The following SELENOW variants were observed in gnomAD, a reference collection of about 807,000 sequenced individuals.
The protein encoded by SELENOW is selenoprotein W, 1.
SELENOW carries 20 observed loss-of-function variants against 16.6 expected under a neutral mutation model. The ratio of observed to expected loss-of-function variants is 1.21; its 90% confidence interval spans 0.85 to 1.76. SELENOW has a LOEUF of 1.76. SELENOW is among the 40% of genes most tolerant of loss of function. The pLI is 0.00. For missense variants in SELENOW, 124 were observed against 111.0 expected, an observed-to-expected ratio of 1.12 and a Z score of -0.53; for synonymous variants, 44 against 46.2, an observed-to-expected ratio of 0.95 and a Z score of 0.19.
In SELENOW at chr19:47,778,806, C is replaced by G. The variant is rs1399197737; in HGVS notation, c.21C>G (p.Val7=). 1 of 1,599,822 alleles carries G rather than the reference C, an allele frequency of 6.3e-7. No homozygotes were observed. Among genetic ancestry groups the G allele is most frequent in the Non-Finnish European group, 8.5e-7 (1 of 1,174,896 alleles). Reference sequence around the variant, plus strand: ...GAGCCATGGCTCTCGCCGTCCGAGTCGTTTATTGGTAAGCCCAGCGGCCAG... The same window carrying G: ...GAGCCATGGCTCTCGCCGTCCGAGTGGTTTATTGGTAAGCCCAGCGGCCAG... MALAVR[V]VYCGAUGYKS... Residue 7 remains valine (V), a synonymous_variant, in exon 1 of 6, where the codon GTC becomes GTG. Transcript: ENST00000601048.
chr19:47,780,044 C>T (rs1019328007), intron 1 of SELENOW: 109 of 425,126 alleles, frequency 2.6e-4, no homozygotes, highest in South Asian at 5.4e-4. Context: ...ATTCCAGTCC[C>T]GAAATAGCCT....
At chr19:47,780,374 TC>T (rs2123696870) in intron 1 of SELENOW, 2 of 406,462 alleles carry the variant, frequency 4.9e-6, no homozygotes, top group Admixed American at 7.3e-5. Flanking sequence ...CTAATCCAGT[TC>T]TCCTGGTTTT....
At chr19:47,782,127 A>G (rs1967484028) in intron 5 of SELENOW, 2 of 152,690 alleles carry the variant, frequency 1.3e-5, no homozygotes, top group African/African-American at 2.4e-5. Context: ...GTCATGTGAC[A>G]GCGTCCGGCC....
At position 47,780,878 on chromosome 19, in the gene SELENOW, GA is replaced by G. The variant is rs773650283; in HGVS notation, c.71del (p.Lys24ArgfsTer?). ...GYKSKYLQLKKKLEDEFPGRL... is the reference protein window; with the variant it reads ...GYKSKYLQLKXKLEDEFPGRL... ...CGCGTTTTCAGTATCTTCAGCTCAA[GA>G]AGAAGTTAGAAGATGAGTTCCCCGG... is the stretch of plus-strand genomic sequence containing the variant. On this transcript the variant is annotated frameshift_variant, in exon 3 of 6. Coordinates refer to ENST00000601048, the MANE Select transcript of SELENOW (RefSeq NM_003009.4). LOFTEE classifies it high-confidence loss of function. 4 of 1,613,248 alleles carry G rather than the reference GA, an allele frequency of 2.5e-6. No homozygotes were observed. The highest frequency in any genetic ancestry group is 3.4e-6 in the Non-Finnish European group (4 of 1,179,664).
chr19:47,781,040 G>A, intron 3 of SELENOW, 68 bp from the exon 4 acceptor site: 2 of 1,547,984 alleles, frequency 1.3e-6, no homozygotes. Flanking sequence ...CATCCCCCTG[G>A]GAAGGGGAGG....
At position 47,781,164 on chromosome 19, in the gene SELENOW, G is replaced by A; in HGVS notation, c.165G>A (p.Lys55=). Residue 55 remains lysine (K), a synonymous_variant, in exon 4 of 6, where the codon AAG becomes AAA. Transcript: ENST00000601048. Reference sequence around the variant, plus strand: ...TCTTTGAAGTGATGGTAGCCGGGAAGTTGATTCACTCTAAGAAGGTATGTC... The same window carrying A: ...TCTTTGAAGTGATGGTAGCCGGGAAATTGATTCACTCTAAGAAGGTATGTC... The part of the protein sequence containing the change: ...TGFFEVMVAG[K]LIHSKKKGDG... 1.2e-6 allele frequency: 2 copies of A among 1,613,858 alleles called. No homozygotes were observed. The highest frequency in any genetic ancestry group is 2.2e-5 in the East Asian group (1 of 44,854).
In SELENOW at chr19:47,784,480, C is replaced by T. The variant is rs939231749; in HGVS notation, c.*209C>T. The T allele has an allele frequency of 6.6e-6, 1 of 152,518 alleles. No individual in the cohort carries two copies. The highest frequency in any genetic ancestry group is 2.4e-5 in the African/African-American group (1 of 41,432). 9.4% of individuals were successfully genotyped at this position (152,518 alleles called of 1,614,324 possible). A position where few individuals can be genotyped will look rare whatever the true frequency, so the allele number is the denominator to read the frequency against. ...GTCTTCCCCGGAATCCACACCACCC[C>T]ACCCTCCTCCTGTCCCGTGGTTTCA... On this transcript the variant is annotated 3_prime_UTR_variant, in exon 6 of 6. Coordinates refer to ENST00000601048, the MANE Select transcript of SELENOW (RefSeq NM_003009.4).
At chr19:47,780,645 C>T (rs1222306470) in intron 1 of SELENOW, 80 bp from the exon 2 acceptor site, 3 of 1,265,664 alleles carry the variant, frequency 2.4e-6, no homozygotes, top group Non-Finnish European at 2.3e-6. Context: ...CCCCACACCG[C>T]CTGTGTCTAC....
In SELENOW at chr19:47,780,715, C is replaced by T. The variant is rs1413125897; in HGVS notation, c.30-10C>T. 1 of 1,557,248 alleles carries T rather than the reference C, an allele frequency of 6.4e-7. No individual in the cohort carries two copies. ...CCCCTGGGCCCCAATGTCTTGGACT[C>T]TCCTACCAGTGGCGCTTGAGGCTAC... On this transcript the variant is annotated splice_polypyrimidine_tract_variant and intron_variant, in intron 1 of 5. Coordinates refer to ENST00000601048, the MANE Select transcript of SELENOW (RefSeq NM_003009.4).
chr19:47,781,316 A>G lies in SELENOW; in HGVS notation c.210A>G (p.Glu70=). The change falls in exon 5 of 6, where the codon GAA becomes GAG. Residue 70 remains glutamate, a synonymous_variant. Transcript: ENST00000601048. Reference sequence around the variant, plus strand: ...AAGGCGATGGCTACGTGGACACAGAAAGCAAGTTTCTGAAGTTGGTGGCCG... The same window carrying G: ...AAGGCGATGGCTACGTGGACACAGAGAGCAAGTTTCTGAAGTTGGTGGCCG... ...KKKGDGYVDT[E]SKFLKLVAAI... 1.9e-6 allele frequency: 3 copies of G among 1,613,532 alleles called. No homozygotes were observed. The highest frequency in any genetic ancestry group is 2.5e-6 in the Non-Finnish European group (3 of 1,179,678).
At chr19:47,781,671 G>A (rs922915761) in intron 5 of SELENOW, 10 of 493,390 alleles carry the variant, frequency 2.0e-5, no homozygotes, top group African/African-American at 1.4e-4. Context: ...ATGGTGATGG[G>A]TCAGAGGTGT....
chr19:47,780,509 C>G (rs1288573556), intron 1 of SELENOW: 5 of 595,242 alleles, frequency 8.4e-6, no homozygotes, highest in Non-Finnish European at 6.0e-6. Context: ...CCCGCGCCAC[C>G]CCCTGTGCTG....
intron 5 of SELENOW, chr19:47,783,219 T>C (rs1967495641): frequency 6.6e-6 from 1 of 151,524 alleles, no homozygotes; most frequent in Non-Finnish European, 1.5e-5. Context: ...TTTTTTTTTT[T>C]TCTAAGACGG....
intron 3 of SELENOW, 89 bp from the exon 4 acceptor site, chr19:47,781,019 A>G: frequency 6.5e-7 from 1 of 1,550,056 alleles, no homozygotes; most frequent in South Asian, 1.1e-5. Flanking sequence ...TACGCCCTTC[A>G]CCCATGTTCT....
intron 1 of SELENOW, chr19:47,780,413 G>A: frequency 2.1e-6 from 1 of 482,660 alleles, no homozygotes; most frequent in Non-Finnish European, 3.8e-6. Context: ...CGTATTTGTG[G>A]TCTCCTTGTC....
chr19:47,780,218 G>A, intron 1 of SELENOW: 2 of 393,138 alleles, frequency 5.1e-6, no homozygotes, highest in South Asian at 1.7e-5. Context: ...GACCAGCCTG[G>A]CCAACATGGT....
chr19:47,780,774 G>GA, intron 2 of SELENOW, 25 bp downstream of exon 2: 2 of 1,582,958 alleles, frequency 1.3e-6, no homozygotes, highest in Non-Finnish European at 1.7e-6. Flanking sequence ...TGCCCGGGGG[G>GA]CATTCCTGGG....
Position 47,780,880 on chromosome 19 carries a change from A to C in SELENOW, c.71A>C (p.Lys24Thr). The change falls in exon 3 of 6, where the codon AAG becomes ACG. Residue 24 changes from lysine to threonine, a missense_variant. Transcript: ENST00000601048. The part of the protein sequence containing the change: ...GYKSKYLQLK[K>T]KLEDEFPGRL... The stretch of plus-strand genomic sequence containing the variant: ...CGTTTTCAGTATCTTCAGCTCAAGA[A>C]GAAGTTAGAAGATGAGTTCCCCGGC... 5 of 1,613,286 alleles carry C rather than the reference A, an allele frequency of 3.1e-6. No individual in the cohort carries two copies. The South Asian group carries it at 5.5e-5, about 18-fold the overall frequency.
chr19:47,784,090 T>A (rs1392922508), intron 5 of SELENOW, 200 bp from the exon 6 acceptor site: 1 of 152,038 alleles, frequency 6.6e-6, no homozygotes, highest in East Asian at 1.9e-4. Context: ...AGAGATGGGT[T>A]TTTTTCACCA....
Sources: gnomAD v4.1 joint callset for allele counts on GRCh38, gnomAD v4.1.1 for gene constraint, MANE v1.5 for transcripts, NCBI Gene and HGNC (gene_info 2026-07-23, HGNC 2026-07-21) for gene names.